Variants in COL4A1 observed in about 807,000 individuals in gnomAD.
COL4A1 encodes the protein collagen type IV alpha 1 chain, also known as collagen alpha-1(IV) chain.
COL4A1 carries 40 observed loss-of-function variants against 216.6 expected under a neutral mutation model. That is an observed-to-expected ratio of 0.18 (90% CI 0.14 to 0.24). The LOEUF (loss-of-function observed/expected upper bound fraction) is 0.24. COL4A1 is among the 10% of genes least tolerant of loss of function. The pLI is 1.00. For synonymous variants in COL4A1, 839 were observed against 810.7 expected, an observed-to-expected ratio of 1.03 and a Z score of -0.59; for missense variants, 1,628 against 2,196.8, an observed-to-expected ratio of 0.74 and a Z score of 5.18.
chr13:110,280,134 G>A (rs546925354), intron 1 of COL4A1, among the ~76,000 whole-genome samples: 12 of 152,238 alleles, frequency 7.9e-5, no homozygotes, highest in East Asian at 1.9e-4. Context: ...AGTTTGCCAC[G>A]TATAAAGAAC....
intron 1 of COL4A1, among the ~76,000 whole-genome samples, chr13:110,262,118 T>C (rs1882852553): frequency 6.6e-6 from 1 of 152,152 alleles, no homozygotes; most frequent in Non-Finnish European, 1.5e-5. Flanking sequence ...AGAGGACCAG[T>C]GTTTTTGAGT....
chr13:110,195,015 T>C lies in COL4A1; in HGVS notation c.1381+8A>G, dbSNP rs1054421900. 10 of 1,612,732 alleles carry C rather than the reference T, an allele frequency of 6.2e-6. No individual in the cohort carries two copies. The African/African-American group carries it at 1.2e-4, about 19-fold the overall frequency. ...AACCACCATTTTAAAAAAATCAAAA[T>C]TTCTTACCTTTCTCTCCAATTTCGC... is the stretch of plus-strand genomic sequence containing the variant. On this transcript the variant is annotated splice_region_variant and intron_variant, in intron 22 of 51. Transcript: ENST00000375820.
chr13:110,285,741 G>C (rs1223105559), intron 1 of COL4A1, among the ~76,000 whole-genome samples: 1 of 152,062 alleles, frequency 6.6e-6, no homozygotes. Flanking sequence ...CCTGCCCCTG[G>C]TGCTCCCAGT....
rs547280109 is a variant in COL4A1 at position 110,206,380 on chromosome 13, G to A, written c.858+285C>T. 2.0e-5 allele frequency among the ~76,000 whole-genome samples: 3 copies of A among 152,350 alleles called. No homozygotes were observed. The East Asian group carries it at 5.8e-4, about 29-fold the overall frequency. On this transcript the variant is annotated intron_variant, in intron 15 of 51. Transcript: ENST00000375820. ...CAACCAACCTGCTGCTCTCAGAGCA[G>A]GACCGAAGGTTTCAGGGATGGCCCA...
chr13:110,171,775 G>A (rs887043602), intron 41 of COL4A1, among the ~76,000 whole-genome samples: 6 of 152,232 alleles, frequency 3.9e-5, no homozygotes, highest in Non-Finnish European at 5.9e-5. Flanking sequence ...GGGATCACAT[G>A]GCAAGGTAGG....
intron 2 of COL4A1, among the ~76,000 whole-genome samples, chr13:110,216,658 C>G (rs1012501134): frequency 2.0e-5 from 3 of 152,180 alleles, no homozygotes; most frequent in African/African-American, 7.2e-5. Flanking sequence ...CTACAAGTTT[C>G]TCACTGAGTC....
chr13:110,283,782 C>G (rs1883731428), intron 1 of COL4A1, among the ~76,000 whole-genome samples: 1 of 152,204 alleles, frequency 6.6e-6, no homozygotes, highest in African/African-American at 2.4e-5. Context: ...AGGCCTTATG[C>G]TGGTGGGGTG....
intron 1 of COL4A1, among the ~76,000 whole-genome samples, chr13:110,266,461 C>T (rs1883039019): frequency 6.6e-6 from 1 of 152,158 alleles, no homozygotes; most frequent in Non-Finnish European, 1.5e-5. Flanking sequence ...AATGTGGCCA[C>T]GGAGCTGGAT....
At chr13:110,206,966 G>C (rs182174683) in intron 13 of COL4A1, 75 bp from the exon 14 acceptor site, 1 of 1,382,234 alleles carries the variant, frequency 7.2e-7, no homozygotes, top group Non-Finnish European at 1.0e-6. Flanking sequence ...TAAACACACA[G>C]CAGAAAAAAA....
At position 110,186,317 on chromosome 13, in the gene COL4A1, C is replaced by T; in HGVS notation, c.1897+68G>A. On this transcript the variant is annotated intron_variant, in intron 26 of 51. Transcript: ENST00000375820. ...TATGCGAACCCCAGGCCTCTGTGTG[C>T]ACCCGAGGTGCCTGCCCTAACCTCC... The T allele has an allele frequency of 1.9e-6, 3 of 1,598,766 alleles. No individual in the cohort carries two copies. In the South Asian group the frequency reaches 3.3e-5, roughly 18 times the overall value.
chr13:110,183,123 G>C (rs752260050), intron 27 of COL4A1, 26 bp from the exon 28 acceptor site: 1 of 1,612,074 alleles, frequency 6.2e-7, no homozygotes, highest in Non-Finnish European at 8.5e-7. Flanking sequence ...CCAACAGTCA[G>C]CGTGAGAAAA....
At chr13:110,291,503 T>C (rs1171653583) in intron 1 of COL4A1, among the ~76,000 whole-genome samples, 1 of 152,068 alleles carries the variant, frequency 6.6e-6, no homozygotes, top group African/African-American at 2.4e-5. Flanking sequence ...AGACCACAAG[T>C]CAGCCCTCTC....
At chr13:110,193,087 G>C (rs1230252261) in intron 22 of COL4A1, among the ~76,000 whole-genome samples, 174 bp from the exon 23 acceptor site, 1 of 152,232 alleles carries the variant, frequency 6.6e-6, no homozygotes, top group South Asian at 2.1e-4. Flanking sequence ...GGAAACTGCA[G>C]TCAAACGCAC....
chr13:110,167,910 A>G (rs1372166002), intron 43 of COL4A1, among the ~76,000 whole-genome samples: 3 of 152,226 alleles, frequency 2.0e-5, no homozygotes, highest in African/African-American at 4.8e-5. Flanking sequence ...AAATAACATG[A>G]ACAAATATAT....
At position 110,268,965 on chromosome 13, in the gene COL4A1, G is replaced by A. The variant is rs566160310; in HGVS notation, c.85-26231C>T. The stretch of plus-strand genomic sequence containing the variant: ...GCCAACGTGCAAAAGCCGAACCTCC[G>A]CGCACCTCCACACGCCTTGCAGCAC... On this transcript the variant is annotated intron_variant, in intron 1 of 51. Coordinates refer to ENST00000375820, the MANE Select transcript of COL4A1 (RefSeq NM_001845.6). The surrounding 1 kb of genome is among the most constrained non-coding windows in gnomAD (Gnocchi z 4.1). 8.4e-4 allele frequency among the ~76,000 whole-genome samples: 128 copies of A among 152,192 alleles called. No homozygotes were observed. Among genetic ancestry groups the A allele is most frequent in the Non-Finnish European group, 1.3e-3 (90 of 68,022 alleles).
At chr13:110,294,919 T>C (rs1262702943) in intron 1 of COL4A1, among the ~76,000 whole-genome samples, 1 of 152,252 alleles carries the variant, frequency 6.6e-6, no homozygotes, top group East Asian at 1.9e-4. Context: ...ATGAATATCA[T>C]TCATTTTATA....
Position 110,150,227 on chromosome 13 carries a change from G to A in COL4A1, c.*136C>T, listed in dbSNP as rs1876434461. ...CAATGAAGCAGGGTGTGTTAGTTAC[G>A]CAAATTCCTATAAGGCACTTTACGG... On this transcript the variant is annotated 3_prime_UTR_variant, in exon 52 of 52. Transcript: ENST00000375820. 7 of 826,056 alleles carry A rather than the reference G, an allele frequency of 8.5e-6. No homozygotes were observed. The highest frequency in any genetic ancestry group is 5.8e-5 in the South Asian group (4 of 69,238). The allele number at this position is 826,056 out of a possible 1,614,324, so 51.2% of individuals were successfully genotyped here. A position where few individuals can be genotyped will look rare whatever the true frequency, so the allele number is the denominator to read the frequency against.
At chr13:110,204,545 T>A (rs1226088788) in intron 17 of COL4A1, among the ~76,000 whole-genome samples, 1 of 152,044 alleles carries the variant, frequency 6.6e-6, no homozygotes. Flanking sequence ...TTATCTCTTA[T>A]ATTAGTAAAG....
chr13:110,161,612 C>T (rs1321157029), intron 48 of COL4A1, among the ~76,000 whole-genome samples: 2 of 152,348 alleles, frequency 1.3e-5, no homozygotes, highest in Admixed American at 6.5e-5. Flanking sequence ...GTTCGTTATA[C>T]GATGGATAGT....
Sources: allele counts gnomAD v4.1 joint callset (sites outside exome capture counted in the v4.1 genomes callset), GRCh38; gene constraint gnomAD v4.1.1; non-coding constraint Gnocchi (gnomAD v3.1); transcripts MANE v1.5; gene names NCBI Gene and HGNC (gene_info 2026-07-23, HGNC 2026-07-21).